Variants in PRKACB observed in about 807,000 individuals in gnomAD.
The protein encoded by PRKACB is protein kinase cAMP-activated catalytic subunit beta.
PRKACB carries 16 observed loss-of-function variants against 51.4 expected under a neutral mutation model. The observed-to-expected ratio is 0.31, with a 90% CI of 0.21 to 0.47. The LOEUF (loss-of-function observed/expected upper bound fraction) is 0.47, where lower values mean the gene tolerates loss of function less well. Ranked by LOEUF, PRKACB falls within the 20% of genes least tolerant of loss-of-function variation. PRKACB has a pLI of 1.00. For synonymous variants in PRKACB, 147 were observed against 154.4 expected, an observed-to-expected ratio of 0.95 and a Z score of 0.35; for missense variants, 309 against 464.5, an observed-to-expected ratio of 0.67 and a Z score of 3.08.
At position 84,164,470 on chromosome 1, in the gene PRKACB, TAAAAA is replaced by T. The variant is rs1319652605; in HGVS notation, c.188-14706_188-14702del. On this transcript the variant is annotated intron_variant, in intron 1 of 9. Transcript: ENST00000370685. ...AATTTTTTCATATCTTTGAAAGATG[TAAAAA>T]GCGTAGATTAGTGCTTAAATTTAAG... 1.9e-6 allele frequency: 3 copies of T among 1,548,520 alleles called. No homozygotes were observed. The African/African-American group carries it at 4.1e-5, about 21-fold the overall frequency.
At chr1:84,208,012 CAT>C (rs1195907195) in intron 8 of PRKACB, among the ~76,000 whole-genome samples, 1 of 152,114 alleles carries the variant, frequency 6.6e-6, no homozygotes, top group Non-Finnish European at 1.5e-5. Flanking sequence ...GGACTACAGG[CAT>C]GTGCCACCAC....
intron 2 of PRKACB, among the ~76,000 whole-genome samples, chr1:84,180,293 A>T (rs1424208310): frequency 2.7e-5 from 4 of 148,852 alleles, no homozygotes; most frequent in Non-Finnish European, 6.0e-5. Context: ...ACTATTATTC[A>T]AAGTGAAGTG....
chr1:84,105,722 C>T lies in PRKACB; in HGVS notation c.46+27351C>T, dbSNP rs551712121. 2.0e-5 allele frequency among the ~76,000 whole-genome samples: 3 copies of T among 152,094 alleles called. No individual in the cohort carries two copies. In the South Asian group the frequency reaches 6.2e-4, roughly 32 times the overall value. ...TCTTGAGTAGCTGGGATTACAGGTGCACGCCACCACAGCCCAGCTAATTTT... is the reference window on the plus strand; with the variant it reads ...TCTTGAGTAGCTGGGATTACAGGTGTACGCCACCACAGCCCAGCTAATTTT... On this transcript the variant is annotated intron_variant, in intron 1 of 8. Coordinates refer to the PRKACB transcript ENST00000370688.
At chr1:84,158,588 T>C (rs1194125032) in intron 1 of PRKACB, among the ~76,000 whole-genome samples, 1 of 151,338 alleles carries the variant, frequency 6.6e-6, no homozygotes, top group African/African-American at 2.4e-5. Context: ...TCCAAAAATA[T>C]AAATATCAAA....
At chr1:84,128,891 G>A (rs1384062502) in intron 1 of PRKACB, among the ~76,000 whole-genome samples, 1 of 152,114 alleles carries the variant, frequency 6.6e-6, no homozygotes, top group Non-Finnish European at 1.5e-5. Flanking sequence ...GCTACATGTG[G>A]CTGTTGAGCA....
chr1:84,085,082 A>G (rs1038866911), intron 1 of PRKACB, among the ~76,000 whole-genome samples: 1 of 152,242 alleles, frequency 6.6e-6, no homozygotes, highest in Non-Finnish European at 1.5e-5. Flanking sequence ...GAGGAAAGCC[A>G]AAGTACTGAT....
intron 5 of PRKACB, among the ~76,000 whole-genome samples, chr1:84,188,741 G>A (rs1437850999): frequency 2.0e-5 from 3 of 151,790 alleles, no homozygotes; most frequent in Non-Finnish European, 4.4e-5. Flanking sequence ...GATGAGATCT[G>A]TGTCTTCAAA....
chr1:84,219,240 T>G (rs75928397), intron 9 of PRKACB, among the ~76,000 whole-genome samples: 1 of 151,784 alleles, frequency 6.6e-6, no homozygotes, highest in African/African-American at 2.4e-5. Flanking sequence ...TTTTTTTTTT[T>G]TGAGTTGGAG....
chr1:84,094,163 T>C (rs1240743192), intron 1 of PRKACB, among the ~76,000 whole-genome samples: 1 of 152,046 alleles, frequency 6.6e-6, no homozygotes. Flanking sequence ...ACACTTGTCA[T>C]ATTCCTGGTG....
At chr1:84,202,542 T>G in intron 7 of PRKACB, 141 bp from the exon 8 acceptor site, 2 of 713,874 alleles carry the variant, frequency 2.8e-6, no homozygotes, top group Non-Finnish European at 4.3e-6. Context: ...GGTTCATTTT[T>G]AAATTCTGTC....
intron 1 of PRKACB, among the ~76,000 whole-genome samples, chr1:84,151,302 T>TA (rs967594532): frequency 2.6e-5 from 4 of 152,216 alleles, no homozygotes; most frequent in Non-Finnish European, 4.4e-5. Context: ...ATTTTATTGC[T>TA]AAAAAAATAC....
At chr1:84,126,953 T>G (rs1224157704) in intron 1 of PRKACB, among the ~76,000 whole-genome samples, 1 of 152,206 alleles carries the variant, frequency 6.6e-6, no homozygotes, top group Non-Finnish European at 1.5e-5. Context: ...CCTTAACTAT[T>G]TTTCATGTTT....
At chr1:84,109,192 A>G (rs747515035) in intron 1 of PRKACB, among the ~76,000 whole-genome samples, 1 of 151,968 alleles carries the variant, frequency 6.6e-6, no homozygotes, top group Admixed American at 6.6e-5. Context: ...TACTGTAAAT[A>G]ATGCTACTAT....
chr1:84,112,134 T>A (rs576203453), intron 1 of PRKACB, among the ~76,000 whole-genome samples: 41 of 152,112 alleles, frequency 2.7e-4, no homozygotes, highest in Middle Eastern at 6.8e-3. Context: ...AATATAGTGA[T>A]GCAGTAATGT....
At position 84,236,911 on chromosome 1, in the gene PRKACB, C is replaced by G. The variant is rs893479108; in HGVS notation, c.*1606C>G. 6 of 152,368 alleles carry G rather than the reference C, an allele frequency of 3.9e-5. No homozygotes were observed. The highest frequency in any genetic ancestry group is 1.4e-4 in the African/African-American group (6 of 41,424). 9.4% of individuals were successfully genotyped at this position (152,368 alleles called of 1,614,324 possible). On this transcript the variant is annotated 3_prime_UTR_variant, in exon 10 of 10. Coordinates refer to ENST00000370685, the MANE Select transcript of PRKACB (RefSeq NM_182948.4). ...CATATAAAATTTATTTTTAATCAAG[C>G]TGATCTTAATGTATATAATCATTCT... is the stretch of plus-strand genomic sequence containing the variant.
chr1:84,102,058 T>C (rs1247029243), intron 1 of PRKACB, among the ~76,000 whole-genome samples: 1 of 152,122 alleles, frequency 6.6e-6, no homozygotes, highest in Non-Finnish European at 1.5e-5. Context: ...TTTAAAGTGA[T>C]GTCTCACAGA....
intron 8 of PRKACB, among the ~76,000 whole-genome samples, chr1:84,206,786 G>T (rs920798855): frequency 1.3e-5 from 2 of 152,160 alleles, no homozygotes; most frequent in African/African-American, 4.8e-5. Context: ...TTTAGGGAAA[G>T]TTTCATGTTG....
intron 2 of PRKACB, chr1:84,181,586 C>T (rs1410737854): frequency 4.2e-6 from 4 of 960,314 alleles, no homozygotes; most frequent in Non-Finnish European, 5.6e-6. Context: ...AGGAACTCTT[C>T]TTTCCTTATT....
chr1:84,086,078 G>C, intron 1 of PRKACB: 2 of 1,237,186 alleles, frequency 1.6e-6, no homozygotes, highest in Non-Finnish European at 2.4e-6. Flanking sequence ...GATGGCCAAG[G>C]TGTATATTGA....
Sources: gnomAD v4.1 joint callset for allele counts (sites outside exome capture counted in the v4.1 genomes callset) on GRCh38, gnomAD v4.1.1 for gene constraint, MANE v1.5 for transcripts, NCBI Gene and HGNC (gene_info 2026-07-23, HGNC 2026-07-21) for gene names.